The following TMED3 variants were observed in gnomAD, a reference collection of about 807,000 sequenced individuals.
The protein encoded by TMED3 is transmembrane p24 trafficking protein 3, also known as transmembrane emp24 domain-containing protein 3.
Under a neutral mutation model 15.0 loss-of-function variants are expected in TMED3, and 9 were observed. The observed-to-expected ratio is 0.60, with a 90% CI of 0.36 to 1.04. TMED3 has a LOEUF of 1.04. Among genes scored for constraint, TMED3 ranks in the 50% least tolerant of loss-of-function variants. TMED3 has a pLI of 0.01. For synonymous variants in TMED3, 117 were observed against 121.4 expected (o/e 0.96, Z 0.24); for missense variants, 267 against 278.9 (o/e 0.96, Z 0.30).
intron 2 of TMED3, among the ~76,000 whole-genome samples, chr15:79,358,103 G>A (rs775767404): frequency 6.6e-6 from 1 of 152,214 alleles, no homozygotes; most frequent in Non-Finnish European, 1.5e-5. Context: ...TTTATGTCAT[G>A]AGGGGAAGAC....
chr15:79,405,495 G>A (rs936904788), intron 2 of TMED3, among the ~76,000 whole-genome samples: 1 of 152,134 alleles, frequency 6.6e-6, no homozygotes, highest in Non-Finnish European at 1.5e-5. Context: ...TATTCCTAAG[G>A]ACTATACACG....
At chr15:79,353,190 T>TATTATAC (rs1373529043) in intron 2 of TMED3, among the ~76,000 whole-genome samples, 4 of 53,250 alleles carry the variant, frequency 7.5e-5, no homozygotes, top group Admixed American at 6.6e-4. Flanking sequence ...ATAAAATATA[T>TATTATAC]ATAATATATA....
chr15:79,328,840 A>T (rs2058796994), intron 2 of TMED3, among the ~76,000 whole-genome samples: 1 of 152,270 alleles, frequency 6.6e-6, no homozygotes, highest in East Asian at 1.9e-4. Flanking sequence ...GAGCACTGAG[A>T]AGCAAAGTTG....
At chr15:79,337,710 C>G (rs1292568747) in intron 2 of TMED3, among the ~76,000 whole-genome samples, 3 of 152,178 alleles carry the variant, frequency 2.0e-5, no homozygotes, top group African/African-American at 7.2e-5. Flanking sequence ...GAGTATGGAA[C>G]AGTTCGGTAG....
chr15:79,353,188 T>TATATTATATATATTATAC (rs1158346289), intron 2 of TMED3, among the ~76,000 whole-genome samples: 23 of 75,640 alleles, frequency 3.0e-4, no homozygotes, highest in African/African-American at 1.2e-3. Flanking sequence ...ATATAAAATA[T>TATATTATATATATTATAC]ATATAATATA....
intron 2 of TMED3, among the ~76,000 whole-genome samples, chr15:79,354,838 G>T (rs573759228): frequency 3.9e-5 from 6 of 152,078 alleles, no homozygotes; most frequent in African/African-American, 1.4e-4. Context: ...TTCAAGCTCT[G>T]CCCCCCCATT....
rs2058773141 is a variant in TMED3 at position 79,322,663 on chromosome 15, G to A, written c.*449G>A. ...GGCTCTTCTTTCTTTGGGGTTCTCT[G>A]TACCTGAGGAAACCAGGCCCTGGGT... is the stretch of plus-strand genomic sequence containing the variant. On this transcript the variant is annotated 3_prime_UTR_variant, in exon 3 of 3. Transcript: ENST00000299705. 5 of 988,802 alleles carry A rather than the reference G, an allele frequency of 5.1e-6. No individual in the cohort carries two copies. In the African/African-American group the frequency reaches 7.0e-5, roughly 14 times the overall value. The allele number at this position is 988,802 out of a possible 1,614,324, so 61.3% of individuals were successfully genotyped here. A position where few individuals can be genotyped will look rare whatever the true frequency, so the allele number is the denominator to read the frequency against.
At position 79,331,620 on chromosome 15, in the gene TMED3, G is replaced by A. The variant is rs537073192; in HGVS notation, c.417+17615G>A. Among the ~76,000 whole-genome samples the A allele has an allele frequency of 3.3e-5, 5 of 149,324 alleles. No individual in the cohort carries two copies. The South Asian group carries it at 1.1e-3, about 31-fold the overall frequency. On this transcript the variant is annotated intron_variant, in intron 2 of 2. Coordinates refer to the TMED3 transcript ENST00000424155. Reference sequence around the variant, plus strand: ...AAGACACAGAGTGAAGAGACAATCTGAAGAACAGGAGAAAATATTTTCGAA... The same window carrying A: ...AAGACACAGAGTGAAGAGACAATCTAAAGAACAGGAGAAAATATTTTCGAA...
At chr15:79,361,346 G>T (rs778075120) in intron 2 of TMED3, among the ~76,000 whole-genome samples, 1 of 152,158 alleles carries the variant, frequency 6.6e-6, no homozygotes, top group Non-Finnish European at 1.5e-5. Flanking sequence ...TCAGGTAAAA[G>T]AATTTTATTT....
At chr15:79,406,449 C>G (rs1002561004) in intron 2 of TMED3, among the ~76,000 whole-genome samples, 4 of 152,212 alleles carry the variant, frequency 2.6e-5, no homozygotes, top group Admixed American at 1.3e-4. Context: ...CATCCCCACT[C>G]TAACTGGGAG....
chr15:79,353,311 A>ATATAATATATATTATG (rs1567030620), intron 2 of TMED3, among the ~76,000 whole-genome samples: 27 of 48,646 alleles, frequency 5.6e-4, no homozygotes, highest in African/African-American at 1.3e-3. Flanking sequence ...TATATATTAT[A>ATATAATATATATTATG]TATATAATAT....
At chr15:79,352,939 C>T (rs1395480590) in intron 2 of TMED3, among the ~76,000 whole-genome samples, 3 of 108,106 alleles carry the variant, frequency 2.8e-5, no homozygotes, top group Non-Finnish European at 5.2e-5. Context: ...AATATATATA[C>T]ATATATAATA....
At chr15:79,386,783 A>C (rs902493473) in intron 2 of TMED3, among the ~76,000 whole-genome samples, 18 of 146,612 alleles carry the variant, frequency 1.2e-4, no homozygotes, top group African/African-American at 4.5e-4. Flanking sequence ...TCCTGACCTC[A>C]TGATCCACCC....
intron 2 of TMED3, among the ~76,000 whole-genome samples, chr15:79,399,309 TA>T (rs1893803998): frequency 6.6e-6 from 1 of 152,106 alleles, no homozygotes; most frequent in Non-Finnish European, 1.5e-5. Context: ...TGGACATGTA[TA>T]ATTAACCATC....
chr15:79,401,409 G>C (rs4238541), intron 2 of TMED3, among the ~76,000 whole-genome samples: 150,542 of 152,332 alleles, frequency 0.99, 74,418 homozygotes, highest in East Asian at 1. Flanking sequence ...ATAGGAGGAC[G>C]AGAAAGATTT....
At chr15:79,395,616 A>G (rs1288640553) in intron 2 of TMED3, among the ~76,000 whole-genome samples, 1 of 152,188 alleles carries the variant, frequency 6.6e-6, no homozygotes, top group Non-Finnish European at 1.5e-5. Context: ...ATTTTTTGTT[A>G]TTATTATTTA....
intron 2 of TMED3, among the ~76,000 whole-genome samples, chr15:79,381,645 A>G (rs1404769632): frequency 6.6e-6 from 1 of 152,182 alleles, no homozygotes; most frequent in Non-Finnish European, 1.5e-5. Flanking sequence ...CAGAACAGGG[A>G]CAAAAGAAGA....
At chr15:79,314,504 G>A (rs2058732161) in intron 2 of TMED3, 2 of 454,748 alleles carry the variant, frequency 4.4e-6, no homozygotes, top group African/African-American at 2.0e-5. Context: ...AGGAATCCAG[G>A]CTCATTCTTT....
At chr15:79,413,787 C>G (rs1295591712) in exon 3 of TMED3, 1 of 152,220 alleles carries the variant, frequency 6.6e-6, no homozygotes, top group Admixed American at 6.5e-5. Context: ...TGCCTTCATA[C>G]CAACCTCGTC....
Sources: gnomAD v4.1 joint callset for allele counts (sites outside exome capture counted in the v4.1 genomes callset) on GRCh38, gnomAD v4.1.1 for gene constraint, MANE v1.5 for transcripts, NCBI Gene and HGNC (gene_info 2026-07-23, HGNC 2026-07-21) for gene names.